The following SLC37A2 variants were observed in gnomAD, a reference collection of about 807,000 sequenced individuals.
SLC37A2 encodes the protein solute carrier family 37 member 2.
Under a neutral mutation model 70.7 loss-of-function variants are expected in SLC37A2, and 59 were observed. The observed-to-expected ratio is 0.83, with a 90% CI of 0.68 to 1.04. SLC37A2 has a LOEUF of 1.04. Ranked by LOEUF, SLC37A2 falls within the 50% of genes least tolerant of loss-of-function variation. The pLI is 0.00. For synonymous variants in SLC37A2, 257 were observed against 262.1 expected (o/e 0.98, Z 0.19); for missense variants, 580 against 658.1 (o/e 0.88, Z 1.30).
chr11:125,085,760 T>C (rs1949206455), intron 16 of SLC37A2, 86 bp downstream of exon 16: 1 of 1,468,718 alleles, frequency 6.8e-7, no homozygotes, highest in Admixed American at 1.7e-5. Flanking sequence ...GCGTTGGCCA[T>C]TTGGGGTTCT....
chr11:125,090,247 G>A lies in SLC37A2; in HGVS notation c.*2113G>A, dbSNP rs1380384991. 1 of 152,130 alleles carries A rather than the reference G, an allele frequency of 6.6e-6. No individual in the cohort carries two copies. The highest frequency in any genetic ancestry group is 2.4e-5 in the African/African-American group (1 of 41,396). The allele number at this position is 152,130 out of a possible 1,614,324, so 9.4% of individuals were successfully genotyped here. A position where few individuals can be genotyped will look rare whatever the true frequency, so the allele number is the denominator to read the frequency against. ...CAACACTCTGTATCTAGCTGCTCTG[G>A]TGGGGCCTTGGAGAACCTGTGTGTC... On this transcript the variant is annotated 3_prime_UTR_variant, in exon 18 of 18. Transcript: ENST00000403796.
intron 1 of SLC37A2, among the ~76,000 whole-genome samples, chr11:125,067,952 A>G (rs1948997417): frequency 6.6e-6 from 1 of 152,234 alleles, no homozygotes; most frequent in Non-Finnish European, 1.5e-5. Flanking sequence ...GTAGAGTCTC[A>G]TTCATGTATA....
chr11:125,083,490 T>TC lies in SLC37A2; in HGVS notation c.977-325_977-324insC. 3 of 299,800 alleles carry TC rather than the reference T, an allele frequency of 1.0e-5. No individual in the cohort carries two copies. Among genetic ancestry groups the TC allele is most frequent in the Non-Finnish European group, 1.9e-5 (3 of 156,986 alleles). The allele number at this position is 299,800 out of a possible 1,614,324, so 18.6% of individuals were successfully genotyped here. On this transcript the variant is annotated intron_variant, in intron 10 of 17. Coordinates refer to ENST00000403796, the MANE Select transcript of SLC37A2 (RefSeq NM_001145290.2). This position sits in a 1 kb window ranked among gnomAD's most constrained non-coding sequence, Gnocchi z 4.6. Reference sequence around the variant, plus strand: ...AAGCAGAGAAAGGGCTGGGCTGAGCTTCAGGTTGCGCTCCAGGGGAAAGGT... The same window carrying TC: ...AAGCAGAGAAAGGGCTGGGCTGAGCTCTCAGGTTGCGCTCCAGGGGAAAGGT...
At chr11:125,076,873 G>A (rs1949092845) in intron 2 of SLC37A2, 35 bp downstream of exon 2, 2 of 1,604,878 alleles carry the variant, frequency 1.2e-6, no homozygotes, top group South Asian at 1.1e-5. Context: ...GAGTGCAGAA[G>A]CACACTGTCG....
intron 5 of SLC37A2, 89 bp downstream of exon 5, chr11:125,079,336 T>C: frequency 1.3e-6 from 2 of 1,526,914 alleles, no homozygotes; most frequent in South Asian, 1.1e-5. Flanking sequence ...GGAGCCTGTG[T>C]TCCTGGCTCC....
chr11:125,072,012 G>A (rs748132392), intron 1 of SLC37A2, among the ~76,000 whole-genome samples: 30 of 152,070 alleles, frequency 2.0e-4, no homozygotes, highest in African/African-American at 4.8e-5. Flanking sequence ...TGCAGCCACA[G>A]CCAGCCTAGC....
chr11:125,072,476 C>T (rs1277990223), intron 1 of SLC37A2, among the ~76,000 whole-genome samples: 1 of 152,312 alleles, frequency 6.6e-6, no homozygotes, highest in South Asian at 2.1e-4. Context: ...TCCCCTCCAT[C>T]CTTTGGTCCT....
intron 16 of SLC37A2, 134 bp downstream of exon 16, chr11:125,085,808 T>A: frequency 8.0e-7 from 1 of 1,244,446 alleles, no homozygotes; most frequent in Non-Finnish European, 1.2e-6. Flanking sequence ...TCAGAAGCAC[T>A]CTCCCTCCCC....
At chr11:125,073,636 C>A (rs1035443238) in intron 1 of SLC37A2, among the ~76,000 whole-genome samples, 1 of 152,248 alleles carries the variant, frequency 6.6e-6, no homozygotes, top group Non-Finnish European at 1.5e-5. Context: ...AGGTGATAGA[C>A]TCTGCTTTTC....
chr11:125,084,155 G>A, intron 11 of SLC37A2, 79 bp from the exon 12 acceptor site: 1 of 1,511,894 alleles, frequency 6.6e-7, no homozygotes, highest in Non-Finnish European at 9.2e-7. Flanking sequence ...GGCCAGCACT[G>A]GGGCACAGCT....
At chr11:125,085,864 A>T in intron 16 of SLC37A2, 90 bp from the exon 17 acceptor site, 3 of 1,339,436 alleles carry the variant, frequency 2.2e-6, no homozygotes, top group Non-Finnish European at 3.2e-6. Flanking sequence ...CCCCTTCTCC[A>T]CTGCCAGTCC....
chr11:125,083,848 C>T lies in SLC37A2; in HGVS notation c.1010C>T (p.Ser337Phe). The change falls in exon 11 of 18, where the codon TCT (serine) becomes TTT (phenylalanine). Residue 337 changes from serine to phenylalanine, a missense_variant. By Grantham distance (155) the Ser-to-Phe change is radical. Coordinates refer to ENST00000403796, the MANE Select transcript of SLC37A2 (RefSeq NM_001145290.2). This position sits in a 1 kb window ranked among gnomAD's most constrained non-coding sequence, Gnocchi z 4.6. ...HFSAKEAGDL[S>F]TLFDVGGIIG... ...AGTGCCAAGGAGGCTGGGGACCTGTCTACACTCTTCGATGTTGGTGGCATC... is the reference window on the plus strand; with the variant it reads ...AGTGCCAAGGAGGCTGGGGACCTGTTTACACTCTTCGATGTTGGTGGCATC... 1 of 1,614,198 alleles carries T rather than the reference C, an allele frequency of 6.2e-7. No individual in the cohort carries two copies. The highest frequency in any genetic ancestry group is 8.5e-7 in the Non-Finnish European group (1 of 1,180,024).
chr11:125,086,232 TAG>T, intron 17 of SLC37A2: 1 of 1,612,984 alleles, frequency 6.2e-7, no homozygotes, highest in Non-Finnish European at 8.5e-7. Context: ...CCACCAGTGA[TAG>T]TATTTTCCTC....
At position 125,084,260 on chromosome 11, in the gene SLC37A2, G is replaced by T. The variant is rs767570888; in HGVS notation, c.1066G>T (p.Asp356Tyr). 1 of 1,614,234 alleles carries T rather than the reference G, an allele frequency of 6.2e-7. No homozygotes were observed. Among genetic ancestry groups the T allele is most frequent in the Non-Finnish European group, 8.5e-7 (1 of 1,180,038 alleles). ...CGGCATCGTGGCAGGGCTCGTCTCT[G>T]ACTACACCAATGGCAGGGCCACCAC... ...IGGIVAGLVS[D>Y]YTNGRATTCC... The change falls in exon 12 of 18, where the codon GAC becomes TAC. Residue 356 changes from aspartate to tyrosine, a missense_variant. Coordinates refer to ENST00000403796, the MANE Select transcript of SLC37A2 (RefSeq NM_001145290.2).
intron 17 of SLC37A2, chr11:125,086,320 T>C (rs1189371378): frequency 8.8e-6 from 11 of 1,256,896 alleles, no homozygotes; most frequent in Non-Finnish European, 1.1e-5. Context: ...TGCATGCAAA[T>C]CCTCTGTCCT....
At chr11:125,066,744 G>C (rs1405463407) in intron 1 of SLC37A2, among the ~76,000 whole-genome samples, 1 of 151,814 alleles carries the variant, frequency 6.6e-6, no homozygotes, top group Non-Finnish European at 1.5e-5. Context: ...TTTTTACAGA[G>C]AAAAAATTTT....
intron 1 of SLC37A2, among the ~76,000 whole-genome samples, chr11:125,076,080 A>G (rs904262732): frequency 3.3e-5 from 5 of 152,064 alleles, no homozygotes; most frequent in African/African-American, 1.2e-4. Context: ...ACCCGCCTGC[A>G]CTGTTCTTTC....
intron 5 of SLC37A2, 83 bp from the exon 6 acceptor site, chr11:125,079,601 C>A: frequency 1.8e-6 from 2 of 1,129,430 alleles, no homozygotes; most frequent in Non-Finnish European, 2.6e-6. Context: ...CGAAATTGAA[C>A]CTCCTCAGCC....
rs1374462377 is a variant in SLC37A2 at position 125,077,273 on chromosome 11, A to G, written c.185A>G (p.Asn62Ser). ...QNCSEQIKPI[N>S]DTHSLNDTMW... ...TGCTCGGAGCAGATCAAACCCATCA[A>G]TGATACTCACAGTCTCAATGACACC... Residue 62 changes from asparagine (N) to serine (S), a missense_variant, in exon 3 of 18, where the codon AAT (asparagine) becomes AGT (serine). Asn to Ser is a conservative substitution (Grantham distance 46). Coordinates refer to ENST00000403796, the MANE Select transcript of SLC37A2 (RefSeq NM_001145290.2). 7 of 1,608,498 alleles carry G rather than the reference A, an allele frequency of 4.4e-6. No homozygotes were observed. The highest frequency in any genetic ancestry group is 5.9e-6 in the Non-Finnish European group (7 of 1,177,146).
Sources: gnomAD v4.1 joint callset for allele counts (sites outside exome capture counted in the v4.1 genomes callset) on GRCh38, gnomAD v4.1.1 for gene constraint, Gnocchi (gnomAD v3.1) non-coding constraint, MANE v1.5 for transcripts, NCBI Gene and HGNC (gene_info 2026-07-23, HGNC 2026-07-21) for gene names.